The following CHSY3 variants were observed in gnomAD, a reference collection of about 807,000 sequenced individuals.
The protein encoded by CHSY3 is chondroitin sulfate synthase 3.
Under a neutral mutation model 67.2 loss-of-function variants are expected in CHSY3, and 35 were observed. The observed-to-expected ratio is 0.52, with a 90% confidence interval of 0.40 to 0.69. The LOEUF (loss-of-function observed/expected upper bound fraction) is 0.69, where lower values mean the gene tolerates loss of function less well. Among genes scored for constraint, CHSY3 ranks in the 30% least tolerant of loss-of-function variants. CHSY3 has a pLI of 0.00. For synonymous variants in CHSY3, 474 were observed against 434.7 expected, an observed-to-expected ratio of 1.09 and a Z score of -1.12; for missense variants, 1,069 against 1,138.5, an observed-to-expected ratio of 0.94 and a Z score of 0.88.
intron 2 of CHSY3, among the ~76,000 whole-genome samples, chr5:130,020,451 ATATATATATAT>A (rs1378149917): frequency 1.8e-3 from 25 of 13,894 alleles, no homozygotes; most frequent in African/African-American, 9.7e-3. Context: ...ATATATATAT[ATATATATATAT>A]TTTTTTTTTT....
intron 2 of CHSY3, among the ~76,000 whole-genome samples, chr5:130,118,424 A>T (rs1315540405): frequency 6.6e-6 from 1 of 151,920 alleles, no homozygotes; most frequent in South Asian, 2.1e-4. Context: ...CAATTACTAC[A>T]TCTCTCTATC....
chr5:130,181,858 T>C (rs1294648046), intron 2 of CHSY3, among the ~76,000 whole-genome samples: 1 of 152,184 alleles, frequency 6.6e-6, no homozygotes. Flanking sequence ...TTTCAAGTAT[T>C]TAATTGATGT....
chr5:130,111,148 T>A (rs186541699), intron 2 of CHSY3, among the ~76,000 whole-genome samples: 23 of 152,208 alleles, frequency 1.5e-4, no homozygotes, highest in Admixed American at 1.4e-3. Context: ...GCCAGCCCCA[T>A]GGCATGAATC....
In CHSY3 at chr5:129,969,862, T is replaced by C. The variant is rs374605273; in HGVS notation, c.1086+61502T>C. On this transcript the variant is annotated intron_variant, in intron 2 of 2. Coordinates refer to ENST00000305031, the MANE Select transcript of CHSY3 (RefSeq NM_175856.5). Reference sequence around the variant, plus strand: ...AATTAGGCAGTTTCTTTCTGTTGTATCAAAAAGAAAATAAGGAACTTTTCA... The same window carrying C: ...AATTAGGCAGTTTCTTTCTGTTGTACCAAAAAGAAAATAAGGAACTTTTCA... 3.9e-5 allele frequency among the ~76,000 whole-genome samples: 6 copies of C among 151,960 alleles called. No individual in the cohort carries two copies. In the East Asian group the frequency reaches 9.7e-4, roughly 24 times the overall value.
chr5:130,055,630 A>G (rs1236733373), intron 2 of CHSY3, among the ~76,000 whole-genome samples: 1 of 152,068 alleles, frequency 6.6e-6, no homozygotes, highest in Non-Finnish European at 1.5e-5. Context: ...TGACACATAC[A>G]CCCTAGTAGT....
At chr5:129,915,974 AT>A (rs1412147694) in intron 2 of CHSY3, among the ~76,000 whole-genome samples, 1 of 152,168 alleles carries the variant, frequency 6.6e-6, no homozygotes, top group African/African-American at 2.4e-5. Flanking sequence ...GCGTGGTTTA[AT>A]TTGGATGTTC....
At chr5:130,075,267 A>T (rs1766213547) in intron 2 of CHSY3, among the ~76,000 whole-genome samples, 1 of 152,166 alleles carries the variant, frequency 6.6e-6, no homozygotes, top group African/African-American at 2.4e-5. Flanking sequence ...TAAGAAAAAG[A>T]ATCCTTTTTA....
rs752333507 is a variant in CHSY3 at position 130,042,335 on chromosome 5, T to C, written c.1086+133975T>C. Among the ~76,000 whole-genome samples the C allele has an allele frequency of 6.2e-4, 95 of 152,276 alleles. 1 individual carries two copies. The highest frequency in any genetic ancestry group is 1.2e-3 in the Non-Finnish European group (85 of 68,024). On this transcript the variant is annotated intron_variant, in intron 2 of 2. Coordinates refer to ENST00000305031, the MANE Select transcript of CHSY3 (RefSeq NM_175856.5). ...ATTATAGCATAGCAGCTCACTAATA[T>C]GCATTTTCCCCCAAACAGTAATTAT...
chr5:129,937,356 C>T (rs771423232), intron 2 of CHSY3, among the ~76,000 whole-genome samples: 1 of 152,118 alleles, frequency 6.6e-6, no homozygotes, highest in African/African-American at 2.4e-5. Flanking sequence ...TATCAGGAGA[C>T]AGCAAGGGGG....
chr5:130,124,727 G>T (rs748571323), intron 2 of CHSY3, among the ~76,000 whole-genome samples: 2 of 152,084 alleles, frequency 1.3e-5, no homozygotes, highest in Non-Finnish European at 2.9e-5. Flanking sequence ...CAAAGTGATG[G>T]GATTACAGGC....
At chr5:130,170,787 T>C (rs926501870) in intron 2 of CHSY3, among the ~76,000 whole-genome samples, 4 of 152,146 alleles carry the variant, frequency 2.6e-5, no homozygotes, top group African/African-American at 9.7e-5. Context: ...TATTTCTTCT[T>C]TTGAGAAATG....
intron 2 of CHSY3, among the ~76,000 whole-genome samples, chr5:130,020,930 CTT>C (rs1331782305): frequency 6.6e-6 from 1 of 151,986 alleles, no homozygotes. Context: ...CTTCTCAACT[CTT>C]TGGTATATTC....
At chr5:130,077,504 C>T (rs1167343107) in intron 2 of CHSY3, among the ~76,000 whole-genome samples, 6 of 152,004 alleles carry the variant, frequency 3.9e-5, no homozygotes, top group African/African-American at 7.2e-5. Context: ...GACGTTGGAC[C>T]GCTAATATCC....
In CHSY3 at chr5:129,972,176, T is replaced by C. The variant is rs906266205; in HGVS notation, c.1086+63816T>C. On this transcript the variant is annotated intron_variant, in intron 2 of 2. Transcript: ENST00000305031. ...TTATTTACAGATTAAGTCAAAATTA[T>C]TTAGAATGACTTAAAAATTATGACA... Among the ~76,000 whole-genome samples the C allele has an allele frequency of 2.6e-5, 4 of 151,028 alleles. No homozygotes were observed. The East Asian group carries it at 7.7e-4, about 29-fold the overall frequency.
chr5:130,080,829 C>T (rs1766421940), intron 2 of CHSY3, among the ~76,000 whole-genome samples: 1 of 151,972 alleles, frequency 6.6e-6, no homozygotes, highest in African/African-American at 2.4e-5. Flanking sequence ...CCCTTTCACC[C>T]TCAAAAGGTT....
In CHSY3 at chr5:130,102,545, A is replaced by G. The variant is rs139802000; in HGVS notation, c.1087-81684A>G. Among the ~76,000 whole-genome samples, 256 of 152,126 alleles carry G rather than the reference A, an allele frequency of 1.7e-3. 2 individuals are homozygous for G. Among genetic ancestry groups the G allele is most frequent in the Middle Eastern group, 6.8e-3 (2 of 294 alleles). On this transcript the variant is annotated intron_variant, in intron 2 of 2. Transcript: ENST00000305031. ...TTTCTGGTCGTTTTTAGCAGTAACC[A>G]CATTTGCCTTACGGTGTAGAGCAGC...
At position 130,028,982 on chromosome 5, in the gene CHSY3, CCTT is replaced by C. The variant is rs138859535; in HGVS notation, c.1086+120625_1086+120627del. Reference sequence around the variant, plus strand: ...TTTTTCCCTCCTCCTCTCTGTCTGTCCTTCTATCTTTGCTTCTTTATCTATTCT... The same window carrying C: ...TTTTTCCCTCCTCCTCTCTGTCTGTCCTATCTTTGCTTCTTTATCTATTCT... On this transcript the variant is annotated intron_variant, in intron 2 of 2. Coordinates refer to ENST00000305031, the MANE Select transcript of CHSY3 (RefSeq NM_175856.5). 2.0e-3 allele frequency among the ~76,000 whole-genome samples: 298 copies of C among 152,092 alleles called. 2 individuals carry two copies. Among genetic ancestry groups the C allele is most frequent in the African/African-American group, 6.9e-3 (288 of 41,516 alleles).
At chr5:130,120,835 T>C (rs2149708665) in intron 2 of CHSY3, among the ~76,000 whole-genome samples, 1 of 152,290 alleles carries the variant, frequency 6.6e-6, no homozygotes, top group South Asian at 2.1e-4. Context: ...TAAAAGCTGG[T>C]GGTTGCACAG....
At chr5:130,071,719 GAT>G (rs1259530955) in intron 2 of CHSY3, among the ~76,000 whole-genome samples, 1 of 151,942 alleles carries the variant, frequency 6.6e-6, no homozygotes, top group Non-Finnish European at 1.5e-5. Context: ...AATTATTTTG[GAT>G]ATATACTCAG....
Sources: allele counts gnomAD v4.1 joint callset (sites outside exome capture counted in the v4.1 genomes callset), GRCh38; gene constraint gnomAD v4.1.1; transcripts MANE v1.5; gene names NCBI Gene and HGNC (gene_info 2026-07-23, HGNC 2026-07-21).